SNHG17: variants seen among roughly 807,000 people sequenced by gnomAD.
SNHG17 encodes the protein small nucleolar RNA host gene 17.
chr20:38,423,799 G>GT, intron 5 of SNHG17, among the ~76,000 whole-genome samples: 1 of 152,132 alleles, frequency 6.6e-6, no homozygotes, highest in Non-Finnish European at 1.5e-5. Context: ...CTTCACCATA[G>GT]TAACCACTGT....
intron 2 of SNHG17, among the ~76,000 whole-genome samples, chr20:38,433,647 C>T (rs2084375062): frequency 6.6e-6 from 1 of 152,168 alleles, no homozygotes; most frequent in Admixed American, 6.5e-5. Context: ...CTCAAGGTCA[C>T]AATAGAGAGA....
chr20:38,431,211 G>A (rs1600767119), intron 2 of SNHG17: 1 of 152,320 alleles, frequency 6.6e-6, no homozygotes, highest in East Asian at 1.9e-4. Context: ...ACACACCAGG[G>A]GAATCAGTGT....
intron 5 of SNHG17, chr20:38,425,848 A>G (rs2084237471): frequency 6.5e-6 from 1 of 153,582 alleles, no homozygotes; most frequent in Admixed American, 6.4e-5. Flanking sequence ...GCTTGAGCCC[A>G]GGAATTCAAA....
chr20:38,432,173 G>A (rs1281563344), intron 2 of SNHG17: 5 of 985,354 alleles, frequency 5.1e-6, no homozygotes, highest in African/African-American at 1.7e-5. Flanking sequence ...AAGCCACCAG[G>A]TGGTAAACAT....
chr20:38,427,375 A>T (rs1336787492), intron 3 of SNHG17: 5 of 518,922 alleles, frequency 9.6e-6, no homozygotes, highest in Non-Finnish European at 1.9e-5. Context: ...AACCTCTTTC[A>T]GCGTTCCTCT....
intron 2 of SNHG17, among the ~76,000 whole-genome samples, chr20:38,432,759 G>A (rs1401609381): frequency 6.6e-6 from 1 of 152,248 alleles, no homozygotes; most frequent in Non-Finnish European, 1.5e-5. Context: ...CTGGAATGCA[G>A]TAGCACAATC....
intron 3 of SNHG17, among the ~76,000 whole-genome samples, chr20:38,426,932 A>G (rs1163323251): frequency 2.7e-5 from 4 of 149,082 alleles, no homozygotes; most frequent in Non-Finnish European, 4.5e-5. Flanking sequence ...AGGACCCCCT[A>G]TTCCAGGCCA....
chr20:38,434,940 C>T, intron 1 of SNHG17: 1 of 1,227,012 alleles, frequency 8.1e-7, no homozygotes, highest in Non-Finnish European at 1.0e-6. Flanking sequence ...GGGCACTAAG[C>T]CTCCCCGCAG....
intron 3 of SNHG17, among the ~76,000 whole-genome samples, chr20:38,427,130 A>G (rs1013792054): frequency 7.2e-6 from 1 of 139,396 alleles, no homozygotes; most frequent in Non-Finnish European, 1.6e-5. Flanking sequence ...GCGACACACC[A>G]TGACTCATTA....
intron 5 of SNHG17, among the ~76,000 whole-genome samples, chr20:38,425,529 T>C (rs1489266999): frequency 6.6e-6 from 1 of 152,130 alleles, no homozygotes; most frequent in Non-Finnish European, 1.5e-5. Context: ...CTGGAGACCA[T>C]GTTAAGCCAG....
intron 5 of SNHG17, chr20:38,425,217 T>G (rs1167866249): frequency 1.9e-6 from 1 of 518,904 alleles, no homozygotes; most frequent in Non-Finnish European, 3.8e-6. Context: ...GCTCCAGAGT[T>G]TGGAAGGGAT....
intron 5 of SNHG17, among the ~76,000 whole-genome samples, chr20:38,422,695 C>A (rs1429243497): frequency 6.6e-6 from 1 of 152,080 alleles, no homozygotes; most frequent in African/African-American, 2.4e-5. Flanking sequence ...CGCCAAGATA[C>A]GGAAACAATC....
intron 1 of SNHG17, chr20:38,435,046 G>A: frequency 8.1e-7 from 1 of 1,231,500 alleles, no homozygotes; most frequent in South Asian, 4.1e-5. Flanking sequence ...TCTTTCCCGA[G>A]GACACGCGAA....
At chr20:38,434,143 G>A in intron 2 of SNHG17, 1 of 388,936 alleles carries the variant, frequency 2.6e-6, no homozygotes. Context: ...CCCACCCAGA[G>A]TCCACAGGAA....
chr20:38,423,819 A>T (rs1196280302), intron 5 of SNHG17, among the ~76,000 whole-genome samples: 1 of 152,230 alleles, frequency 6.6e-6, no homozygotes, highest in Non-Finnish European at 1.5e-5. Flanking sequence ...TGCTATCTAT[A>T]TCTGTCCCAT....
intron 1 of SNHG17, chr20:38,434,686 A>G (rs569469719): frequency 4.5e-4 from 121 of 266,708 alleles, no homozygotes; most frequent in African/African-American, 2.4e-3. Flanking sequence ...ACAGAAGTCC[A>G]GACTCTGCCC....
exon 7 of SNHG17, chr20:38,421,034 T>A (rs1363094964): frequency 6.6e-6 from 1 of 152,210 alleles, no homozygotes; most frequent in African/African-American, 2.4e-5. Flanking sequence ...CAAACCCAGA[T>A]CCCAGATCAC....
chr20:38,433,701 T>G (rs572818127), intron 2 of SNHG17, among the ~76,000 whole-genome samples: 132 of 152,236 alleles, frequency 8.7e-4, no homozygotes, highest in African/African-American at 3.1e-3. Context: ...GTGTGACTAG[T>G]GGGGGCTGCA....
intron 2 of SNHG17, among the ~76,000 whole-genome samples, chr20:38,431,385 C>T (rs1308032431): frequency 1.3e-5 from 2 of 152,212 alleles, no homozygotes; most frequent in Non-Finnish European, 2.9e-5. Flanking sequence ...AGCCTGTAAT[C>T]ACTTTGCACA....
Sources: allele counts gnomAD v4.1 joint callset (sites outside exome capture counted in the v4.1 genomes callset), GRCh38; gene constraint gnomAD v4.1.1; transcripts MANE v1.5; gene names NCBI Gene and HGNC (gene_info 2026-07-23, HGNC 2026-07-21).